The following MRI1 variants were observed in gnomAD, a reference collection of about 807,000 sequenced individuals.
The protein encoded by MRI1 is methylthioribose-1-phosphate isomerase 1.
Under a neutral mutation model 27.3 loss-of-function variants are expected in MRI1, and 32 were observed. The observed-to-expected ratio is 1.17, with a 90% CI of 0.88 to 1.57. MRI1 has a LOEUF of 1.57. Ranked by LOEUF, MRI1 falls within the 40% of genes most tolerant of loss-of-function variation. The probability of loss-of-function intolerance (pLI) is 0.00; values close to 1 mark genes in which losing one functional copy is unlikely to be tolerated. For missense variants in MRI1, 508 were observed against 516.1 expected (o/e 0.98, Z 0.15); for synonymous variants, 216 against 227.4 (o/e 0.95, Z 0.45).
intron 5 of MRI1, 132 bp from the exon 6 acceptor site, chr19:13,771,989 G>A: frequency 1.3e-6 from 1 of 760,182 alleles, no homozygotes; most frequent in South Asian, 1.9e-5. Flanking sequence ...ATGTACTTTT[G>A]GGGTGAGAAT....
intron 3 of MRI1, among the ~76,000 whole-genome samples, chr19:13,767,834 ATTCTT>A (rs1974171446): frequency 8.9e-6 from 1 of 112,334 alleles, no homozygotes; most frequent in African/African-American, 3.3e-5. Flanking sequence ...GGTTCCAGCG[ATTCTT>A]TTCAAGTATT....
At chr19:13,767,861 CTT>C (rs1170108927) in intron 3 of MRI1, among the ~76,000 whole-genome samples, 1,026 of 61,044 alleles carry the variant, frequency 0.017, 11 homozygotes, top group African/African-American at 0.074. Context: ...TCTTTCTTTC[CTT>C]TTTTTTTTTT....
At chr19:13,768,473 G>A in intron 3 of MRI1, 88 bp from the exon 4 acceptor site, 1 of 1,584,376 alleles carries the variant, frequency 6.3e-7, no homozygotes, top group Non-Finnish European at 8.6e-7. Flanking sequence ...TCCACGCCCA[G>A]ACTAGGAGCC....
At chr19:13,768,764 G>A (rs773499455) in intron 4 of MRI1, 27 bp downstream of exon 4, 12 of 1,600,282 alleles carry the variant, frequency 7.5e-6, no homozygotes, top group Middle Eastern at 1.7e-4. Context: ...CCCTGGGGGC[G>A]GGGCTCTGGA....
chr19:13,769,784 G>C (rs1210549997), intron 5 of MRI1, among the ~76,000 whole-genome samples: 2 of 151,818 alleles, frequency 1.3e-5, no homozygotes, highest in African/African-American at 4.8e-5. Context: ...GCCGGACATG[G>C]TGGCACCCGC....
In MRI1 at chr19:13,768,946, T is replaced by A; in HGVS notation, c.847T>A (p.Ser283Thr). 6.2e-7 allele frequency: 1 copy of A among 1,614,118 alleles called. No individual in the cohort carries two copies. Among genetic ancestry groups the A allele is most frequent in the African/African-American group, 1.3e-5 (1 of 75,056 alleles). The change falls in exon 5 of 6, where the codon TCT (serine) becomes ACT (threonine). Residue 283 changes from serine (S) to threonine (T), a missense_variant. Coordinates refer to ENST00000040663, the MANE Select transcript of MRI1 (RefSeq NM_001031727.4). ...GIPFYVAAPS[S>T]SCDLRLETGK... ...TCCCTTCTACGTGGCTGCCCCCAGC[T>A]CTTCATGTGACCTCCGTCTGGAGAC...
Position 13,768,938 on chromosome 19 carries a change from C to G in MRI1, c.839C>G (p.Ala280Gly). Reference protein sequence around the residue: ...KHHGIPFYVAAPSSSCDLRLE... With the variant: ...KHHGIPFYVAGPSSSCDLRLE... Reference sequence around the variant, plus strand: ...CATGGCATTCCCTTCTACGTGGCTGCCCCCAGCTCTTCATGTGACCTCCGT... The same window carrying G: ...CATGGCATTCCCTTCTACGTGGCTGGCCCCAGCTCTTCATGTGACCTCCGT... The change falls in exon 5 of 6, where the codon GCC becomes GGC. Residue 280 changes from alanine (A) to glycine (G), a missense_variant. By Grantham distance (60) the Ala-to-Gly change is moderately conservative (BLOSUM62 0). Coordinates refer to ENST00000040663, the MANE Select transcript of MRI1 (RefSeq NM_001031727.4). The G allele has an allele frequency of 6.2e-7, 1 of 1,614,132 alleles. No homozygotes were observed. Among genetic ancestry groups the G allele is most frequent in the South Asian group, 1.1e-5 (1 of 91,084 alleles).
chr19:13,768,742 G>C lies in MRI1; in HGVS notation c.724+5G>C. 6.2e-7 allele frequency: 1 copy of C among 1,611,156 alleles called. No homozygotes were observed. The highest frequency in any genetic ancestry group is 1.1e-5 in the South Asian group (1 of 90,958). The stretch of plus-strand genomic sequence containing the variant: ...TGGCCCATAGGGGCGTGTCAGGTAA[G>C]CAGACGGTAAGCCCTGGGGGCGGGG... On this transcript the variant is annotated splice_donor_5th_base_variant and intron_variant, in intron 4 of 5. Coordinates refer to ENST00000040663, the MANE Select transcript of MRI1 (RefSeq NM_001031727.4).
chr19:13,764,937 G>T lies in MRI1; in HGVS notation c.199G>T (p.Ala67Ser), dbSNP rs1770989401. 1.3e-6 allele frequency: 2 copies of T among 1,496,300 alleles called. No individual in the cohort carries two copies. The highest frequency in any genetic ancestry group is 8.9e-7 in the Non-Finnish European group (1 of 1,128,324). The allele number at this position is 1,496,300 out of a possible 1,614,324, so 92.7% of individuals were successfully genotyped here. A position where few individuals can be genotyped will look rare whatever the true frequency, so the allele number is the denominator to read the frequency against. Residue 67 changes from alanine (A) to serine (S), a missense_variant, in exon 2 of 6, where the codon GCC becomes TCC. Ala to Ser is a moderately conservative substitution (Grantham distance 99). Transcript: ENST00000040663. ...CCTCGCCGTGGAGCTGCAGGCGGGC[G>T]CCGGGGGACCGGGACTCGCCGCGCT... The part of the protein sequence containing the change: ...LSLAVELQAG[A>S]GGPGLAALVA...
chr19:13,767,861 C>CTTTTTTTTTTTTTTTTTTTT (rs1170108927), intron 3 of MRI1, among the ~76,000 whole-genome samples: 4 of 61,084 alleles, frequency 6.5e-5, no homozygotes, highest in African/African-American at 1.6e-4. Flanking sequence ...TCTTTCTTTC[C>CTTTTTTTTTTTTTTTTTTTT]TTTTTTTTTT....
chr19:13,770,709 C>T (rs1974251409), intron 5 of MRI1, among the ~76,000 whole-genome samples: 1 of 151,524 alleles, frequency 6.6e-6, no homozygotes, highest in Admixed American at 6.6e-5. Flanking sequence ...CATGGAGAAA[C>T]CCTGCCTCTA....
chr19:13,768,387 G>A, intron 3 of MRI1, 174 bp from the exon 4 acceptor site: 7 of 1,524,490 alleles, frequency 4.6e-6, no homozygotes, highest in Non-Finnish European at 6.2e-6. Flanking sequence ...CGAGCATTGG[G>A]AAGAGCATAC....
chr19:13,766,142 C>T lies in MRI1; in HGVS notation c.547+13C>T. ...GGTACAGCCCTAGGTGAGAGGGCCT[C>T]CTCAGGGGGTAGGGGAGGGCCTTCT... On this transcript the variant is annotated intron_variant, in intron 3 of 5. Transcript: ENST00000040663. 1 of 1,519,610 alleles carries T rather than the reference C, an allele frequency of 6.6e-7. No individual in the cohort carries two copies. Among genetic ancestry groups the T allele is most frequent in the South Asian group, 1.3e-5 (1 of 79,260 alleles). The allele number at this position is 1,519,610 out of a possible 1,614,324, so 94.1% of individuals were successfully genotyped here. A position where few individuals can be genotyped will look rare whatever the true frequency, so the allele number is the denominator to read the frequency against.
intron 3 of MRI1, among the ~76,000 whole-genome samples, chr19:13,767,027 ATATATATATATTTTTTTTTTTTT>A (rs1480715121): frequency 1.1e-3 from 20 of 17,552 alleles, no homozygotes; most frequent in African/African-American, 2.9e-3. Flanking sequence ...ATATATATAT[ATATATATATATTTTTTTTTTTTT>A]TTTTTTTTTT....
intron 3 of MRI1, chr19:13,768,343 G>A (rs1233476812): frequency 2.4e-6 from 3 of 1,243,428 alleles, no homozygotes; most frequent in East Asian, 2.5e-5. Flanking sequence ...TCACCGAGAA[G>A]GTGTCCTTTA....
intron 3 of MRI1, 81 bp downstream of exon 3, chr19:13,766,210 C>A: frequency 1.5e-6 from 2 of 1,306,982 alleles, no homozygotes; most frequent in East Asian, 2.5e-5. Context: ...CAAACCCAAA[C>A]CACTTTATCC....
chr19:13,768,331 C>A, intron 3 of MRI1: 1 of 1,108,236 alleles, frequency 9.0e-7, no homozygotes, highest in Non-Finnish European at 1.3e-6. Context: ...TCAGGGAAGG[C>A]TTCACCGAGA....
rs1170108927 is a variant in MRI1, at chr19:13,767,861, C to CTTTTTTTTTTTTTTT, written c.548-689_548-675dup. On this transcript the variant is annotated intron_variant, in intron 3 of 5. Coordinates refer to ENST00000040663, the MANE Select transcript of MRI1 (RefSeq NM_001031727.4). ...TCTTTTCAAGTATTTTCTTTCTTTC[C>CTTTTTTTTTTTTTTT]TTTTTTTTTTTTTTTTTTTTTTTTT... 4.6e-4 allele frequency among the ~76,000 whole-genome samples: 28 copies of CTTTTTTTTTTTTTTT among 61,084 alleles called. 4 individuals are homozygous for CTTTTTTTTTTTTTTT. The highest frequency in any genetic ancestry group is 7.8e-4 in the African/African-American group (10 of 12,812). The allele number at this position is 61,084 out of a possible 152,430, so 40.1% of individuals were successfully genotyped here.
At chr19:13,772,056 C>G in intron 5 of MRI1, 65 bp from the exon 6 acceptor site, 1 of 1,490,240 alleles carries the variant, frequency 6.7e-7, no homozygotes, top group African/African-American at 1.4e-5. Context: ...AAACAGATGA[C>G]TACAACCTGA....
Sources: gnomAD v4.1 joint callset for allele counts (sites outside exome capture counted in the v4.1 genomes callset) on GRCh38, gnomAD v4.1.1 for gene constraint, MANE v1.5 for transcripts, NCBI Gene and HGNC (gene_info 2026-07-23, HGNC 2026-07-21) for gene names.